Variants in CYP46A1 observed in about 807,000 individuals in gnomAD.
CYP46A1 encodes cholesterol 24-hydroxylase.
Under a neutral mutation model 63.3 loss-of-function variants are expected in CYP46A1, and 20 were observed. That is an observed-to-expected ratio of 0.32 (90% confidence interval 0.22 to 0.46). The LOEUF is 0.46. CYP46A1 is among the 20% of genes least tolerant of loss of function. The pLI is 1.00. For synonymous variants in CYP46A1, 268 were observed against 273.6 expected, an observed-to-expected ratio of 0.98 and a Z score of 0.20; for missense variants, 445 against 670.8, an observed-to-expected ratio of 0.66 and a Z score of 3.72.
rs746476117 is a variant in CYP46A1 at position 99,726,757 on chromosome 14, G to C, written c.*30G>C. ...GCCTCCAGGCAGGACGAGACTCCTC[G>C]GGCAAGGGCCGTGCCCGCCCACCTC... On this transcript the variant is annotated 3_prime_UTR_variant, in exon 15 of 15. Coordinates refer to ENST00000261835, the MANE Select transcript of CYP46A1 (RefSeq NM_006668.2). The C allele has an allele frequency of 2.0e-6, 3 of 1,473,258 alleles. No individual in the cohort carries two copies. Among genetic ancestry groups the C allele is most frequent in the Non-Finnish European group, 2.7e-6 (3 of 1,106,156 alleles). The allele number at this position is 1,473,258 out of a possible 1,614,324, so 91.3% of individuals were successfully genotyped here. A position where few individuals can be genotyped will look rare whatever the true frequency, so the allele number is the denominator to read the frequency against.
rs1350119013 is a variant in CYP46A1, at chr14:99,700,087, G to C, written c.429G>C (p.Leu143=). The change falls in exon 5 of 15, where the codon CTG becomes CTC. Residue 143 remains leucine (L), a synonymous_variant. Transcript: ENST00000261835. The part of the protein sequence containing the change: ...RWHKQRRVID[L]AFSRSSLVSL... ...ACAAGCAGCGGAGAGTCATAGACCT[G>C]GCCTTCAGCCGGAGGTGAGTGTGGC... 6.2e-7 allele frequency: 1 copy of C among 1,601,540 alleles called. No individual in the cohort carries two copies. The highest frequency in any genetic ancestry group is 8.5e-7 in the Non-Finnish European group (1 of 1,171,904).
chr14:99,684,771 A>G (rs1566823649), intron 1 of CYP46A1: 1 of 617,552 alleles, frequency 1.6e-6, no homozygotes, highest in Non-Finnish European at 3.0e-6. Flanking sequence ...TGGCAGCCAC[A>G]GCCCTTTCAG....
intron 11 of CYP46A1, 137 bp downstream of exon 11, chr14:99,721,460 C>T (rs74510031): frequency 1.5e-6 from 1 of 673,514 alleles, no homozygotes; most frequent in East Asian, 2.7e-5. Flanking sequence ...TTTAAAGTAT[C>T]CTGAGGCCCA....
rs765987823 is a variant in CYP46A1, at chr14:99,722,910, G to A, written c.1176+844G>A. ...GGAACAGTGTGCAAGCCAGCTCCTC[G>A]GACATTTACCCAGAAGTGAGAGGGC... On this transcript the variant is annotated intron_variant, in intron 12 of 14. Coordinates refer to ENST00000261835, the MANE Select transcript of CYP46A1 (RefSeq NM_006668.2). The surrounding 1 kb of genome is among the most constrained non-coding windows in gnomAD (Gnocchi z 4.6). 3 of 453,902 alleles carry A rather than the reference G, an allele frequency of 6.6e-6. No homozygotes were observed. The highest frequency in any genetic ancestry group is 1.6e-5 in the South Asian group (1 of 64,416). The allele number at this position is 453,902 out of a possible 1,614,324, so 28.1% of individuals were successfully genotyped here.
intron 13 of CYP46A1, 105 bp from the exon 14 acceptor site, chr14:99,726,085 A>G (rs1162308166): frequency 9.8e-7 from 1 of 1,023,902 alleles, no homozygotes; most frequent in African/African-American, 1.6e-5. Flanking sequence ...CCCCTGGCTC[A>G]AAGTCTGTGT....
At chr14:99,693,311 A>G (rs1194878910) in intron 3 of CYP46A1, 1 of 152,394 alleles carries the variant, frequency 6.6e-6, no homozygotes, top group Non-Finnish European at 1.5e-5. Context: ...ATAATTTTTC[A>G]TTAAAAGTTT....
At chr14:99,695,133 C>T (rs2056576166) in intron 3 of CYP46A1, among the ~76,000 whole-genome samples, 1 of 152,080 alleles carries the variant, frequency 6.6e-6, no homozygotes, top group African/African-American at 2.4e-5. Flanking sequence ...TAATTTAATT[C>T]TGTAAAGTCA....
intron 7 of CYP46A1, chr14:99,711,893 GCAAA>G (rs2056735701): frequency 1.3e-5 from 2 of 152,070 alleles, no homozygotes; most frequent in South Asian, 2.1e-4. Context: ...CAAAATACTA[GCAAA>G]CAAACCTAAT....
chr14:99,692,432 G>A lies in CYP46A1; in HGVS notation c.282+571G>A, dbSNP rs576146118. ...CAGGCACCTGTAATACCAGCTACTC[G>A]GGAGGCTGAGGCAGGAGAATCACTT... On this transcript the variant is annotated intron_variant, in intron 3 of 14. Transcript: ENST00000261835. Among the ~76,000 whole-genome samples, 502 of 152,218 alleles carry A rather than the reference G, an allele frequency of 3.3e-3. 2 individuals are homozygous for A. The highest frequency in any genetic ancestry group is 0.011 in the African/African-American group (473 of 41,522).
In CYP46A1 at chr14:99,727,082, G is replaced by A. The variant is rs1421646338; in HGVS notation, c.*355G>A. 7.9e-6 allele frequency: 2 copies of A among 252,246 alleles called. No individual in the cohort carries two copies. Among genetic ancestry groups the A allele is most frequent in the East Asian group, 7.0e-5 (1 of 14,252 alleles). The allele number at this position is 252,246 out of a possible 1,614,324, so 15.6% of individuals were successfully genotyped here. On this transcript the variant is annotated 3_prime_UTR_variant, in exon 15 of 15. Coordinates refer to ENST00000261835, the MANE Select transcript of CYP46A1 (RefSeq NM_006668.2). ...CAAGAAGCCCTCCTTGCCACCCCCC[G>A]CCGGCAGGGGCCCCTCCTCTGTGCT...
In CYP46A1 at chr14:99,699,324, A is replaced by T. The variant is rs1004860925; in HGVS notation, c.283-142A>T. On this transcript the variant is annotated intron_variant, in intron 3 of 14. Coordinates refer to ENST00000261835, the MANE Select transcript of CYP46A1 (RefSeq NM_006668.2). Reference sequence around the variant, plus strand: ...CTGATGTTACTTGAAGATAGGGACGATTGTGTGGGATCATGCATGGGAAGT... The same window carrying T: ...CTGATGTTACTTGAAGATAGGGACGTTTGTGTGGGATCATGCATGGGAAGT... The T allele has an allele frequency of 1.1e-5, 9 of 783,638 alleles. No homozygotes were observed. The Admixed American group carries it at 1.6e-4, about 14-fold the overall frequency. The allele number at this position is 783,638 out of a possible 1,614,324, so 48.5% of individuals were successfully genotyped here.
At chr14:99,719,577 C>G (rs189443403) in intron 10 of CYP46A1, among the ~76,000 whole-genome samples, 11 of 151,986 alleles carry the variant, frequency 7.2e-5, no homozygotes, top group Admixed American at 7.2e-4. Flanking sequence ...GTTCTCGCCT[C>G]CCCATCCCTG....
rs1056656810 is a variant in CYP46A1, at chr14:99,723,072, T to C, written c.1176+1006T>C. The C allele has an allele frequency of 2.7e-4, 74 of 278,928 alleles. 1 individual carries two copies. Among genetic ancestry groups the C allele is most frequent in the East Asian group, 1.3e-3 (15 of 11,586 alleles). The allele number at this position is 278,928 out of a possible 1,614,324, so 17.3% of individuals were successfully genotyped here. ...TCTTCATCATCTCCAGCACTTAGCATGGTCCGATTTTGTATCTGCTGCCAT... is the reference window on the plus strand; with the variant it reads ...TCTTCATCATCTCCAGCACTTAGCACGGTCCGATTTTGTATCTGCTGCCAT... On this transcript the variant is annotated intron_variant, in intron 12 of 14. Transcript: ENST00000261835.
At chr14:99,706,546 C>T (rs529512971) in intron 5 of CYP46A1, 101 bp from the exon 6 acceptor site, 2 of 1,505,290 alleles carry the variant, frequency 1.3e-6, no homozygotes, top group East Asian at 2.3e-5. Context: ...GACCACCCAC[C>T]TTCACTCTGC....
chr14:99,717,201 G>T (rs554918750), intron 9 of CYP46A1, among the ~76,000 whole-genome samples: 2 of 152,220 alleles, frequency 1.3e-5, no homozygotes, highest in Non-Finnish European at 2.9e-5. Context: ...TAAAATGGGG[G>T]CCTTGAGGAG....
Position 99,721,207 on chromosome 14 carries a change from G to A in CYP46A1, c.981-32G>A, listed in dbSNP as rs370492521. The A allele has an allele frequency of 1.4e-5, 22 of 1,561,658 alleles. No homozygotes were observed. In the African/African-American group the frequency reaches 2.3e-4, roughly 16 times the overall value. On this transcript the variant is annotated intron_variant, in intron 10 of 14. Transcript: ENST00000261835. ...AGTAAGTCGGGGACAGGCTCCCTTT[G>A]GAGACGAACTTGTCTTTGTCTTACC...
rs1308896501 is a variant in CYP46A1, at chr14:99,721,298, TG to T, written c.1044del (p.Arg349AspfsTer13). The T allele has an allele frequency of 6.2e-7, 1 of 1,613,378 alleles. No individual in the cohort carries two copies. Among genetic ancestry groups the T allele is most frequent in the Non-Finnish European group, 8.5e-7 (1 of 1,179,308 alleles). ...GSKRYLDFED[L>X]GRLQYLSQVL... ...AAGAGGTACCTGGATTTCGAGGACC[TG>T]GGGAGACTGCAGTACCTGTCCCAGG... On this transcript the variant is annotated frameshift_variant, in exon 11 of 15. Transcript: ENST00000261835. LOFTEE classifies it high-confidence loss of function.
chr14:99,726,352 C>CTGCTGGGT, intron 14 of CYP46A1, 96 bp downstream of exon 14: 1 of 1,373,824 alleles, frequency 7.3e-7, no homozygotes, highest in South Asian at 1.3e-5. Context: ...TGCTCTGGGG[C>CTGCTGGGT]TGCTGGGCTG....
In CYP46A1 at chr14:99,722,246, C is replaced by T. The variant is rs2056854417; in HGVS notation, c.1176+180C>T. Among the ~76,000 whole-genome samples the T allele has an allele frequency of 6.6e-6, 1 of 152,118 alleles. No individual in the cohort carries two copies. Among genetic ancestry groups the T allele is most frequent in the South Asian group, 2.1e-4 (1 of 4,822 alleles). On this transcript the variant is annotated intron_variant, in intron 12 of 14. Transcript: ENST00000261835. The surrounding 1 kb of genome is among the most constrained non-coding windows in gnomAD (Gnocchi z 4.6). The stretch of plus-strand genomic sequence containing the variant: ...CCCTGTGAGGGCTTTTTCCCCTCCT[C>T]ACACTGTCCAGCAGAAGATTACAGG...
Sources: gnomAD v4.1 joint callset for allele counts (sites outside exome capture counted in the v4.1 genomes callset) on GRCh38, gnomAD v4.1.1 for gene constraint, Gnocchi (gnomAD v3.1) non-coding constraint, MANE v1.5 for transcripts, NCBI Gene and HGNC (gene_info 2026-07-23, HGNC 2026-07-21) for gene names.